The following CPA6 variants were observed in gnomAD, a reference collection of about 807,000 sequenced individuals.
CPA6 encodes the protein carboxypeptidase B.
CPA6 carries 58 observed loss-of-function variants against 63.3 expected under a neutral mutation model. The ratio of observed to expected loss-of-function variants is 0.92; its 90% confidence interval spans 0.74 to 1.14. The LOEUF (loss-of-function observed/expected upper bound fraction) is 1.14, where lower values mean the gene tolerates loss of function less well. Among genes scored for constraint, CPA6 ranks in the 50% most tolerant of loss-of-function variants. The pLI is 0.00. For missense variants in CPA6, 565 were observed against 526.6 expected (o/e 1.07, Z -0.71); for synonymous variants, 185 against 179.0 (o/e 1.03, Z -0.27).
At chr8:67,530,855 A>G (rs1341418827) in intron 2 of CPA6, among the ~76,000 whole-genome samples, 1 of 152,228 alleles carries the variant, frequency 6.6e-6, no homozygotes, top group Non-Finnish European at 1.5e-5. Flanking sequence ...AGAACTTTGT[A>G]GTAATAAATG....
intron 6 of CPA6, among the ~76,000 whole-genome samples, chr8:67,489,409 C>T (rs1421207333): frequency 3.9e-5 from 6 of 152,130 alleles, no homozygotes; most frequent in East Asian, 1.9e-4. Flanking sequence ...AAATCACCTA[C>T]GATACATAGT....
intron 1 of CPA6, among the ~76,000 whole-genome samples, chr8:67,719,373 C>T (rs1437767709): frequency 6.6e-6 from 1 of 151,938 alleles, no homozygotes; most frequent in Non-Finnish European, 1.5e-5. Flanking sequence ...TGTGGGCATG[C>T]TGTGGTCAGG....
chr8:67,485,352 T>C (rs1050653343), intron 6 of CPA6, among the ~76,000 whole-genome samples: 2 of 152,156 alleles, frequency 1.3e-5, no homozygotes, highest in Non-Finnish European at 2.9e-5. Context: ...CCATTTTCTT[T>C]CCCTCCACCA....
At chr8:67,736,770 A>C (rs1004580313) in intron 1 of CPA6, among the ~76,000 whole-genome samples, 1 of 152,176 alleles carries the variant, frequency 6.6e-6, no homozygotes, top group Non-Finnish European at 1.5e-5. Flanking sequence ...CCGTCTATCC[A>C]ACTGGGCACT....
At chr8:67,730,235 C>T (rs960631141) in intron 1 of CPA6, among the ~76,000 whole-genome samples, 4 of 152,086 alleles carry the variant, frequency 2.6e-5, no homozygotes, top group East Asian at 1.9e-4. Context: ...AATCTCCTCC[C>T]TTGGGTTTGG....
intron 1 of CPA6, among the ~76,000 whole-genome samples, chr8:67,658,349 G>C (rs769247612): frequency 7.2e-5 from 11 of 152,114 alleles, no homozygotes; most frequent in Non-Finnish European, 1.3e-4. Flanking sequence ...GTGCACCTTG[G>C]TGTGCCCAGA....
chr8:67,504,483 C>A (rs1324539070), intron 6 of CPA6, among the ~76,000 whole-genome samples: 2 of 152,186 alleles, frequency 1.3e-5, no homozygotes, highest in East Asian at 3.9e-4. Context: ...CCTGTTTTCT[C>A]TTGCTTTCTC....
chr8:67,514,354 T>C (rs77702897), intron 3 of CPA6, among the ~76,000 whole-genome samples: 3,086 of 152,230 alleles, frequency 0.02, 104 homozygotes, highest in African/African-American at 0.069. Flanking sequence ...TAGAGGGGAA[T>C]TGATCACCTA....
intron 2 of CPA6, among the ~76,000 whole-genome samples, chr8:67,596,751 T>C (rs1564016921): frequency 6.6e-6 from 1 of 152,254 alleles, no homozygotes; most frequent in Non-Finnish European, 1.5e-5. Flanking sequence ...CTCAGAATCA[T>C]AGTTTTATTC....
At chr8:67,538,799 A>G (rs974575971) in intron 2 of CPA6, among the ~76,000 whole-genome samples, 22 of 151,954 alleles carry the variant, frequency 1.4e-4, no homozygotes, top group African/African-American at 4.8e-4. Flanking sequence ...AGCTGGGACT[A>G]CAGGTGCCTG....
chr8:67,718,934 C>T (rs145362082), intron 1 of CPA6, among the ~76,000 whole-genome samples: 7 of 152,044 alleles, frequency 4.6e-5, no homozygotes, highest in Non-Finnish European at 8.8e-5. Flanking sequence ...CATGAGCCAC[C>T]GCACCTGGCC....
intron 6 of CPA6, among the ~76,000 whole-genome samples, chr8:67,502,553 A>G (rs1811849418): frequency 6.6e-6 from 1 of 151,864 alleles, no homozygotes; most frequent in Admixed American, 6.6e-5. Context: ...CTATTTTTCT[A>G]GGTCATTGAA....
intron 2 of CPA6, among the ~76,000 whole-genome samples, chr8:67,555,935 G>T (rs142542573): frequency 1.6e-4 from 24 of 152,256 alleles, no homozygotes; most frequent in African/African-American, 5.3e-4. Flanking sequence ...CAAGAAGTGT[G>T]TAAGGAACTA....
In CPA6 at chr8:67,526,603, G is replaced by A. The variant is rs539141457; in HGVS notation, c.193-8556C>T. Among the ~76,000 whole-genome samples the A allele has an allele frequency of 1.5e-4, 23 of 152,212 alleles. 1 individual carries two copies. The highest frequency in any genetic ancestry group is 5.3e-4 in the African/African-American group (22 of 41,546). Reference sequence around the variant, plus strand: ...TCAGGGTAACCACCATTCTCCTGAGGTTGTGTGACAGTTAATGGTATCACA... The same window carrying A: ...TCAGGGTAACCACCATTCTCCTGAGATTGTGTGACAGTTAATGGTATCACA... On this transcript the variant is annotated intron_variant, in intron 2 of 10. Transcript: ENST00000297770.
At chr8:67,659,831 T>C (rs1816069296) in intron 1 of CPA6, among the ~76,000 whole-genome samples, 1 of 152,224 alleles carries the variant, frequency 6.6e-6, no homozygotes, top group Non-Finnish European at 1.5e-5. Context: ...CATGTTGTTA[T>C]CAAGATGCAA....
At chr8:67,427,994 A>G in intron 10 of CPA6, 53 bp downstream of exon 10, 1 of 1,185,870 alleles carries the variant, frequency 8.4e-7, no homozygotes, top group Non-Finnish European at 1.2e-6. Flanking sequence ...GTCATGATAC[A>G]GGATATTGGT....
At chr8:67,673,816 A>T (rs957798427) in intron 1 of CPA6, among the ~76,000 whole-genome samples, 5 of 152,184 alleles carry the variant, frequency 3.3e-5, no homozygotes, top group African/African-American at 1.2e-4. Context: ...GCCAGACACT[A>T]CTGAAAGCAT....
rs551985487 is a variant in CPA6, at chr8:67,530,576, C to G, written c.193-12529G>C. On this transcript the variant is annotated intron_variant, in intron 2 of 10. Transcript: ENST00000297770. Reference sequence around the variant, plus strand: ...CCCCTTTGACAGTAGAGTGGAGTGCCCAGAAATACAAGGAAACCCCCCAGG... The same window carrying G: ...CCCCTTTGACAGTAGAGTGGAGTGCGCAGAAATACAAGGAAACCCCCCAGG... Among the ~76,000 whole-genome samples, 129 of 152,116 alleles carry G rather than the reference C, an allele frequency of 8.5e-4. 1 individual carries two copies. Among genetic ancestry groups the G allele is most frequent in the African/African-American group, 3.0e-3 (126 of 41,506 alleles).
chr8:67,567,494 G>A lies in CPA6; in HGVS notation c.193-49447C>T, dbSNP rs1300893826. Among the ~76,000 whole-genome samples the A allele has an allele frequency of 5.9e-5, 9 of 152,176 alleles. No homozygotes were observed. The East Asian group carries it at 1.7e-3, about 29-fold the overall frequency. On this transcript the variant is annotated intron_variant, in intron 2 of 10. Transcript: ENST00000297770. Reference sequence around the variant, plus strand: ...TTCAGGACATTTAACTGGGTCAGTGGCAGTTTTGTAATGCTTTTTGTCTGG... The same window carrying A: ...TTCAGGACATTTAACTGGGTCAGTGACAGTTTTGTAATGCTTTTTGTCTGG...
Sources: gnomAD v4.1 joint callset for allele counts (sites outside exome capture counted in the v4.1 genomes callset) on GRCh38, gnomAD v4.1.1 for gene constraint, MANE v1.5 for transcripts, NCBI Gene and HGNC (gene_info 2026-07-23, HGNC 2026-07-21) for gene names.